PDE4D: variants seen among roughly 807,000 people sequenced by gnomAD.
PDE4D encodes phosphodiesterase 4D, also known as 3',5'-cyclic-AMP phosphodiesterase 4D.
Under a neutral mutation model 87.4 loss-of-function variants are expected in PDE4D, and 24 were observed. The observed-to-expected ratio is 0.27, with a 90% CI of 0.20 to 0.39. The LOEUF (loss-of-function observed/expected upper bound fraction) is 0.39. Among genes scored for constraint, PDE4D ranks in the 10% least tolerant of loss-of-function variants. The probability of loss-of-function intolerance (pLI) is 1.00; values close to 1 mark genes in which losing one functional copy is unlikely to be tolerated. For missense variants in PDE4D, 714 were observed against 1,041.0 expected (o/e 0.69, Z 4.32); for synonymous variants, 384 against 383.2 (o/e 1.00, Z -0.02).
At chr5:59,079,978 G>A (rs1208462044) in intron 5 of PDE4D, among the ~76,000 whole-genome samples, 1 of 151,766 alleles carries the variant, frequency 6.6e-6, no homozygotes, top group East Asian at 1.9e-4. Flanking sequence ...AGCCAACATA[G>A]GCTATGGCTT....
chr5:60,492,902 TA>T (rs986138197), upstream of PDE4D, among the ~76,000 whole-genome samples: 1 of 147,490 alleles, frequency 6.8e-6, no homozygotes, highest in African/African-American at 2.5e-5. Context: ...AAAAAAAGAT[TA>T]AAAAAAAGAA....
At chr5:60,506,815 A>C (rs1166969544) in intron 1 of PDE4D, among the ~76,000 whole-genome samples, 2 of 152,166 alleles carry the variant, frequency 1.3e-5, no homozygotes, top group African/African-American at 4.8e-5. Flanking sequence ...CAAGGATAGG[A>C]CTTCCCGTAA....
At chr5:60,173,593 A>C (rs1272813725) in intron 2 of PDE4D, among the ~76,000 whole-genome samples, 2 of 152,042 alleles carry the variant, frequency 1.3e-5, no homozygotes, top group African/African-American at 4.8e-5. Context: ...ATCCACCTTA[A>C]TATGAATTTA....
Position 59,701,592 on chromosome 5 carries a change from T to C in PDE4D, c.455+191576A>G, listed in dbSNP as rs928630939. 2.6e-5 allele frequency among the ~76,000 whole-genome samples: 4 copies of C among 151,958 alleles called. No homozygotes were observed. In the East Asian group the frequency reaches 5.8e-4, roughly 22 times the overall value. The stretch of plus-strand genomic sequence containing the variant: ...CCATTCCTTAGAATTCAAGAATGAG[T>C]GTGAGGGATAAGCCCAAGGAGTTTC... On this transcript the variant is annotated intron_variant, in intron 1 of 14. Transcript: ENST00000340635.
intron 1 of PDE4D, among the ~76,000 whole-genome samples, chr5:59,362,688 T>C (rs1393715969): frequency 6.6e-6 from 1 of 152,212 alleles, no homozygotes; most frequent in Admixed American, 6.5e-5. Flanking sequence ...CTCCAACTCA[T>C]GCTACCCTTA....
In PDE4D at chr5:58,975,174, G is replaced by C. The variant is rs1743401691; in HGVS notation, c.2014-94C>G. Reference sequence around the variant, plus strand: ...GATCATGGCCCACAAATAAAACACTGAACAGAAGACTACTAAACTTAGTTT... The same window carrying C: ...GATCATGGCCCACAAATAAAACACTCAACAGAAGACTACTAAACTTAGTTT... On this transcript the variant is annotated intron_variant, in intron 14 of 14. Transcript: ENST00000340635. This position sits in a 1 kb window ranked among gnomAD's most constrained non-coding sequence, Gnocchi z 4.2. 1.5e-6 allele frequency: 1 copy of C among 688,182 alleles called. No homozygotes were observed. 42.6% of individuals were successfully genotyped at this position (688,182 alleles called of 1,614,324 possible).
intron 1 of PDE4D, among the ~76,000 whole-genome samples, chr5:59,772,224 G>C (rs1239464644): frequency 6.6e-6 from 1 of 152,170 alleles, no homozygotes; most frequent in African/African-American, 2.4e-5. Flanking sequence ...TGTTAAGGCA[G>C]AGGGTCAGAG....
chr5:60,044,211 G>T (rs938865353), intron 2 of PDE4D, among the ~76,000 whole-genome samples: 7 of 151,704 alleles, frequency 4.6e-5, no homozygotes, highest in African/African-American at 1.7e-4. Context: ...CACCCCAATT[G>T]CCCCAATAAG....
chr5:59,109,251 G>T (rs1046006720), intron 5 of PDE4D, among the ~76,000 whole-genome samples: 2 of 151,918 alleles, frequency 1.3e-5, no homozygotes, highest in African/African-American at 4.8e-5. Flanking sequence ...TAGTCCCTTG[G>T]ATAAACCAGT....
chr5:60,143,854 T>C (rs550402347), intron 2 of PDE4D, among the ~76,000 whole-genome samples: 1 of 152,038 alleles, frequency 6.6e-6, no homozygotes, highest in Non-Finnish European at 1.5e-5. Context: ...GCCCTAATAT[T>C]AAATATGATA....
rs1803936678 is a variant in PDE4D at position 59,479,795 on chromosome 5, C to T, written c.456-263827G>A. ...GCTGATTCCAGCTGCTTGTCCTTTT[C>T]TCACTGTCTGAAAACTGATACTCTT... On this transcript the variant is annotated intron_variant, in intron 1 of 14. Transcript: ENST00000340635. Among the ~76,000 whole-genome samples the T allele has an allele frequency of 2.0e-5, 3 of 152,166 alleles. No individual in the cohort carries two copies. In the South Asian group the frequency reaches 6.2e-4, roughly 32 times the overall value.
At chr5:59,678,139 TAA>T (rs11403062) in intron 1 of PDE4D, among the ~76,000 whole-genome samples, 2 of 150,954 alleles carry the variant, frequency 1.3e-5, no homozygotes, top group Non-Finnish European at 3.0e-5. Context: ...TCAAAAAGAG[TAA>T]AAAAAAATGT....
At chr5:59,735,648 C>A (rs1461778428) in intron 1 of PDE4D, among the ~76,000 whole-genome samples, 1 of 151,952 alleles carries the variant, frequency 6.6e-6, no homozygotes, top group Non-Finnish European at 1.5e-5. Flanking sequence ...GCATGCTAAG[C>A]AAAATATCTA....
chr5:59,020,039 G>T (rs1017714459), intron 6 of PDE4D, among the ~76,000 whole-genome samples: 1 of 152,122 alleles, frequency 6.6e-6, no homozygotes, highest in East Asian at 1.9e-4. Context: ...CTGGGTTGTG[G>T]TTGTTTGCAG....
intron 1 of PDE4D, among the ~76,000 whole-genome samples, chr5:60,293,841 T>TTTGATTAATATGTGGG (rs1753138466): frequency 6.6e-6 from 1 of 152,206 alleles, no homozygotes; most frequent in South Asian, 2.1e-4. Flanking sequence ...TTGATTCTCT[T>TTTGATTAATATGTGGG]TTGATTAATA....
At chr5:59,194,084 C>A (rs1744923466) in intron 2 of PDE4D, among the ~76,000 whole-genome samples, 1 of 152,162 alleles carries the variant, frequency 6.6e-6, no homozygotes, top group Non-Finnish European at 1.5e-5. Flanking sequence ...CCACTGTAGT[C>A]ACTGGGAAAT....
chr5:59,592,647 G>T (rs2153703736), intron 1 of PDE4D, among the ~76,000 whole-genome samples: 1 of 151,622 alleles, frequency 6.6e-6, no homozygotes, highest in South Asian at 2.1e-4. Context: ...TTTCATAATT[G>T]GAATATTTAG....
chr5:59,825,430 G>A (rs544406689), intron 1 of PDE4D, among the ~76,000 whole-genome samples: 1 of 152,170 alleles, frequency 6.6e-6, no homozygotes, highest in South Asian at 2.1e-4. Context: ...ACATGGGTGG[G>A]GAGCTGCAGG....
At chr5:59,726,758 T>C (rs1259165537) in intron 1 of PDE4D, among the ~76,000 whole-genome samples, 1 of 152,140 alleles carries the variant, frequency 6.6e-6, no homozygotes. Context: ...TGAGAAACAA[T>C]ATAACTTTTC....
Sources: gnomAD v4.1 joint callset for allele counts (sites outside exome capture counted in the v4.1 genomes callset) on GRCh38, gnomAD v4.1.1 for gene constraint, Gnocchi (gnomAD v3.1) non-coding constraint, MANE v1.5 for transcripts, NCBI Gene and HGNC (gene_info 2026-07-23, HGNC 2026-07-21) for gene names.